Variants in NUF2 observed in about 807,000 individuals in gnomAD.
NUF2 encodes the protein NUF2 component of NDC80 kinetochore complex.
In NUF2, 34 loss-of-function variants were observed where a neutral mutation model predicts 61.8. The observed-to-expected ratio is 0.55, with a 90% CI of 0.42 to 0.73. The LOEUF (loss-of-function observed/expected upper bound fraction) is 0.73. NUF2 is among the 30% of genes least tolerant of loss of function. The pLI, the probability that NUF2 is intolerant of heterozygous loss-of-function variation, is 0.00. For missense variants in NUF2, 445 were observed against 539.1 expected (o/e 0.83, Z 1.73); for synonymous variants, 172 against 181.6 (o/e 0.95, Z 0.42).
intron 13 of NUF2, 57 bp downstream of exon 13, chr1:163,349,137 T>C: frequency 6.7e-7 from 1 of 1,483,562 alleles, no homozygotes; most frequent in South Asian, 1.3e-5. Flanking sequence ...ATTTGAGTTG[T>C]TAACTGAAAC....
At chr1:163,353,104 T>A (rs1011767459) in intron 13 of NUF2, among the ~76,000 whole-genome samples, 1 of 152,138 alleles carries the variant, frequency 6.6e-6, no homozygotes, top group Non-Finnish European at 1.5e-5. Context: ...AAATAAAAAA[T>A]TTTGTTCTTT....
At chr1:163,332,437 A>G (rs1382492118) in intron 5 of NUF2, among the ~76,000 whole-genome samples, 1 of 152,168 alleles carries the variant, frequency 6.6e-6, no homozygotes, top group Non-Finnish European at 1.5e-5. Context: ...GTAATAAATC[A>G]CCACAAACTT....
intron 1 of NUF2, among the ~76,000 whole-genome samples, chr1:163,323,875 A>C (rs1650324678): frequency 6.6e-6 from 1 of 152,198 alleles, no homozygotes; most frequent in South Asian, 2.1e-4. Context: ...ACCAAAAAAA[A>C]AGAGAGGGAA....
chr1:163,323,841 A>G (rs937571023), intron 1 of NUF2, among the ~76,000 whole-genome samples: 16 of 152,156 alleles, frequency 1.1e-4, no homozygotes, highest in Non-Finnish European at 2.2e-4. Flanking sequence ...TACAACAAGA[A>G]CACAAGTGAC....
chr1:163,323,681 A>T (rs996724658), intron 1 of NUF2, among the ~76,000 whole-genome samples: 29 of 152,086 alleles, frequency 1.9e-4, no homozygotes, highest in African/African-American at 6.3e-4. Context: ...ATTGTGCCAC[A>T]CTGCACTCCA....
chr1:163,331,296 A>G (rs1650591522), intron 5 of NUF2, among the ~76,000 whole-genome samples: 1 of 151,792 alleles, frequency 6.6e-6, no homozygotes, highest in South Asian at 2.1e-4. Flanking sequence ...CTCTTTTTTA[A>G]TCTACCAAAT....
At chr1:163,325,961 A>T in intron 1 of NUF2, 71 bp from the exon 2 acceptor site, 2 of 1,186,078 alleles carry the variant, frequency 1.7e-6, no homozygotes, top group Non-Finnish European at 2.4e-6. Context: ...TTTTGTCATT[A>T]TGTTTATTAG....
chr1:163,345,748 T>G lies in NUF2; in HGVS notation c.878T>G (p.Val293Gly). Reference protein sequence around the residue: ...VDCLPSCQLEVQLYQKKIQDL... With the variant: ...VDCLPSCQLEGQLYQKKIQDL... ...TGCCTGCCTTCATGTCAGTTGGAAG[T>G]GCAGTTATATCAAAAGAAAATACAG... Residue 293 changes from valine to glycine, a missense_variant, in exon 11 of 14, where the codon GTG (valine) becomes GGG (glycine). Transcript: ENST00000271452. 1 of 1,609,726 alleles carries G rather than the reference T, an allele frequency of 6.2e-7. No individual in the cohort carries two copies. Among genetic ancestry groups the G allele is most frequent in the Non-Finnish European group, 8.5e-7 (1 of 1,176,150 alleles).
At chr1:163,352,061 CT>C (rs1350624844) in intron 13 of NUF2, among the ~76,000 whole-genome samples, 1 of 151,578 alleles carries the variant, frequency 6.6e-6, no homozygotes, top group Admixed American at 6.6e-5. Flanking sequence ...CTTTTTCTCT[CT>C]TTTGCTCAAC....
chr1:163,325,928 A>G lies in NUF2; in HGVS notation c.-20-104A>G, dbSNP rs911514406. 101 of 766,336 alleles carry G rather than the reference A, an allele frequency of 1.3e-4. No homozygotes were observed. In the Admixed American group the frequency reaches 2.1e-3, roughly 16 times the overall value. 47.5% of individuals were successfully genotyped at this position (766,336 alleles called of 1,614,324 possible). ...ATATTTGATGATAGTTAACACTACTATGAATAGTTCAACTTTGGCTCATTT... is the reference window on the plus strand; with the variant it reads ...ATATTTGATGATAGTTAACACTACTGTGAATAGTTCAACTTTGGCTCATTT... On this transcript the variant is annotated intron_variant, in intron 1 of 13. Coordinates refer to ENST00000271452, the MANE Select transcript of NUF2 (RefSeq NM_145697.3).
chr1:163,355,204 T>G, intron 13 of NUF2, 131 bp from the exon 14 acceptor site: 3 of 635,822 alleles, frequency 4.7e-6, no homozygotes, highest in Non-Finnish European at 7.8e-6. Flanking sequence ...GACATGCACA[T>G]TTGTGTGTGT....
intron 1 of NUF2, among the ~76,000 whole-genome samples, chr1:163,324,370 A>C (rs1650342479): frequency 6.6e-6 from 1 of 152,204 alleles, no homozygotes; most frequent in African/African-American, 2.4e-5. Flanking sequence ...AGTGGGAAAA[A>C]GTTGCATTGA....
intron 5 of NUF2, among the ~76,000 whole-genome samples, chr1:163,332,633 G>A (rs1650633936): frequency 1.3e-5 from 2 of 151,992 alleles, no homozygotes; most frequent in South Asian, 2.1e-4. Flanking sequence ...TGACCTTTCT[G>A]TCTTTGAAGC....
chr1:163,342,762 C>A (rs114786810), intron 9 of NUF2, among the ~76,000 whole-genome samples: 5,141 of 152,052 alleles, frequency 0.034, 170 homozygotes, highest in African/African-American at 0.086. Flanking sequence ...TCTCTCAGCC[C>A]ATTTTACCTT....
intron 1 of NUF2, among the ~76,000 whole-genome samples, chr1:163,325,434 G>A (rs1277426212): frequency 6.6e-6 from 1 of 152,196 alleles, no homozygotes; most frequent in Non-Finnish European, 1.5e-5. Flanking sequence ...AAGACATTAG[G>A]AGAAATGGTT....
At chr1:163,327,098 TCACA>T (rs752584850) in intron 2 of NUF2, among the ~76,000 whole-genome samples, 555 of 33,332 alleles carry the variant, frequency 0.017, 5 homozygotes, top group African/African-American at 0.02. Context: ...TTTCCTGTGT[TCACA>T]CACACACACA....
Position 163,343,049 on chromosome 1 carries a change from T to TA in NUF2, c.670-683dup, listed in dbSNP as rs146473801. Among the ~76,000 whole-genome samples the TA allele has an allele frequency of 5.5e-3, 837 of 152,236 alleles. 6 individuals are homozygous for TA. Among genetic ancestry groups the TA allele is most frequent in the African/African-American group, 0.019 (802 of 41,542 alleles). Reference sequence around the variant, plus strand: ...ATTTTTTTTGACATAATTTCAGACTTACAACAAACTTTCAAGAGAATTTCC... The same window carrying TA: ...ATTTTTTTTGACATAATTTCAGACTTAACAACAAACTTTCAAGAGAATTTCC... On this transcript the variant is annotated intron_variant, in intron 9 of 13. Transcript: ENST00000271452.
At chr1:163,340,129 C>A in intron 8 of NUF2, 1 of 449,326 alleles carries the variant, frequency 2.2e-6, no homozygotes, top group Non-Finnish European at 3.9e-6. Context: ...TATTATTTTT[C>A]AAAGGGCTAC....
At chr1:163,338,584 T>A (rs1650839632) in intron 7 of NUF2, among the ~76,000 whole-genome samples, 1 of 152,258 alleles carries the variant, frequency 6.6e-6, no homozygotes, top group East Asian at 1.9e-4. Flanking sequence ...GCAGGATTTT[T>A]AAAATCTCTT....
Sources: allele counts gnomAD v4.1 joint callset (sites outside exome capture counted in the v4.1 genomes callset), GRCh38; gene constraint gnomAD v4.1.1; transcripts MANE v1.5; gene names NCBI Gene and HGNC (gene_info 2026-07-23, HGNC 2026-07-21).